Variants in RAD54B observed in about 807,000 individuals in gnomAD.
The protein encoded by RAD54B is RAD54 homolog B.
Under a neutral mutation model 95.8 loss-of-function variants are expected in RAD54B, and 78 were observed. That is an observed-to-expected ratio of 0.81 (90% CI 0.68 to 0.98). RAD54B has a LOEUF of 0.98. RAD54B is among the 50% of genes least tolerant of loss of function. RAD54B has a pLI of 0.00. For missense variants in RAD54B, 957 were observed against 1,056.6 expected, an observed-to-expected ratio of 0.91 and a Z score of 1.31; for synonymous variants, 328 against 354.9, an observed-to-expected ratio of 0.92 and a Z score of 0.85.
At chr8:94,473,723 AG>A (rs1813225054) in intron 1 of RAD54B, among the ~76,000 whole-genome samples, 1 of 152,190 alleles carries the variant, frequency 6.6e-6, no homozygotes, top group Non-Finnish European at 1.5e-5. Context: ...CGAGGATGCA[AG>A]AATGTAAGTA....
At position 94,380,241 on chromosome 8, in the gene RAD54B, C is replaced by CA. The variant is rs772731133; in HGVS notation, c.2150dup (p.Leu717PhefsTer12). 1 of 1,613,138 alleles carries CA rather than the reference C, an allele frequency of 6.2e-7. No individual in the cohort carries two copies. Among genetic ancestry groups the CA allele is most frequent in the South Asian group, 1.1e-5 (1 of 91,060 alleles). ...CTACACCACCAGCTTTTGAACTTAA[C>CA]AAAAAAATAAAAAAAGAAGAGTGTT... On this transcript the variant is annotated frameshift_variant, in exon 12 of 15. Transcript: ENST00000336148. LOFTEE classifies it high-confidence loss of function.
At chr8:94,474,499 T>C (rs1813247285) in intron 1 of RAD54B, among the ~76,000 whole-genome samples, 1 of 152,246 alleles carries the variant, frequency 6.6e-6, no homozygotes, top group Non-Finnish European at 1.5e-5. Flanking sequence ...CATCTGTTCC[T>C]ACCTAGAAAA....
chr8:94,449,128 T>C (rs1171171907), intron 3 of RAD54B, among the ~76,000 whole-genome samples: 1 of 151,694 alleles, frequency 6.6e-6, no homozygotes, highest in East Asian at 1.9e-4. Context: ...CACAATAAAA[T>C]TTATTTTTAA....
intron 1 of RAD54B, among the ~76,000 whole-genome samples, chr8:94,468,274 G>A (rs927010478): frequency 6.6e-6 from 1 of 152,102 alleles, no homozygotes; most frequent in Admixed American, 6.6e-5. Flanking sequence ...TTAACCATTA[G>A]CTACCCATTT....
At chr8:94,474,142 C>T (rs983949210) in intron 1 of RAD54B, among the ~76,000 whole-genome samples, 2 of 152,150 alleles carry the variant, frequency 1.3e-5, no homozygotes, top group Non-Finnish European at 2.9e-5. Flanking sequence ...CATGTTCTCA[C>T]TTATAAATGG....
chr8:94,473,590 G>A (rs1041560930), intron 1 of RAD54B, among the ~76,000 whole-genome samples: 5 of 152,208 alleles, frequency 3.3e-5, no homozygotes, highest in Admixed American at 2.6e-4. Flanking sequence ...TATTATCGGA[G>A]AGTAGAAATG....
intron 10 of RAD54B, among the ~76,000 whole-genome samples, chr8:94,388,608 C>T (rs1190654630): frequency 1.3e-5 from 2 of 152,056 alleles, no homozygotes; most frequent in East Asian, 1.9e-4. Context: ...GTGTTGCACC[C>T]CCTCTTTAGT....
intron 3 of RAD54B, among the ~76,000 whole-genome samples, chr8:94,441,107 CCT>C (rs60480899): frequency 0.12 from 18,344 of 152,128 alleles, 1,989 homozygotes; most frequent in East Asian, 0.32. Flanking sequence ...GCATGCAGCC[CCT>C]GTCACGTACT....
At chr8:94,450,888 G>A (rs966869945) in intron 3 of RAD54B, among the ~76,000 whole-genome samples, 3 of 151,764 alleles carry the variant, frequency 2.0e-5, no homozygotes, top group Admixed American at 2.0e-4. Flanking sequence ...GAAATTAATA[G>A]GTAAATATAT....
chr8:94,448,342 G>A (rs1812570243), intron 3 of RAD54B, among the ~76,000 whole-genome samples: 1 of 152,040 alleles, frequency 6.6e-6, no homozygotes, highest in South Asian at 2.1e-4. Flanking sequence ...TGTTGGCAAG[G>A]GTGTGGAGAA....
At chr8:94,432,202 C>T (rs1184040288) in intron 3 of RAD54B, 1 of 1,550,178 alleles carries the variant, frequency 6.5e-7, no homozygotes, top group Admixed American at 2.0e-5. Flanking sequence ...TCAATTTTTG[C>T]TCTTAGTAGC....
rs749899840 is a variant in RAD54B, at chr8:94,393,811, A to G, written c.1450T>C (p.Ser484Pro). The G allele has an allele frequency of 1.3e-6, 2 of 1,585,252 alleles. No individual in the cohort carries two copies. The highest frequency in any genetic ancestry group is 2.2e-5 in the South Asian group (2 of 89,882). ...TATATTTTCCTATAAGATGACAAAG[A>G]GCCTAATATTCCTGGATTTACAAAA... ...IDFVNPGILG[S>P]LSSYRKIYEE... The change falls in exon 9 of 15, where the codon TCT becomes CCT. Residue 484 changes from serine to proline, a missense_variant. Transcript: ENST00000336148.
chr8:94,388,091 C>G (rs938701229), intron 10 of RAD54B, among the ~76,000 whole-genome samples: 1 of 152,182 alleles, frequency 6.6e-6, no homozygotes, highest in East Asian at 1.9e-4. Flanking sequence ...TTACACAGTA[C>G]ATTTCAGGTT....
At chr8:94,398,725 C>G (rs780298643) in intron 8 of RAD54B, among the ~76,000 whole-genome samples, 1 of 151,874 alleles carries the variant, frequency 6.6e-6, no homozygotes, top group Admixed American at 6.6e-5. Context: ...CATACAAGAC[C>G]AAGATGAGAT....
chr8:94,464,584 C>A (rs1047561244), intron 2 of RAD54B, among the ~76,000 whole-genome samples: 8 of 152,092 alleles, frequency 5.3e-5, no homozygotes, highest in Non-Finnish European at 7.4e-5. Flanking sequence ...TAAAAAGTTT[C>A]TTTTTGGTGT....
intron 1 of RAD54B, among the ~76,000 whole-genome samples, chr8:94,470,654 A>T (rs1285535700): frequency 6.6e-6 from 1 of 152,036 alleles, no homozygotes; most frequent in Non-Finnish European, 1.5e-5. Flanking sequence ...GCTACTCAGG[A>T]GGCTGAGGCA....
rs895527991 is a variant in RAD54B, at chr8:94,467,702, A to T, written c.-16-147T>A. On this transcript the variant is annotated intron_variant, in intron 1 of 14. Transcript: ENST00000336148. Reference sequence around the variant, plus strand: ...CCCCCAAGCATAGAAACAAAAGGAAAATCTTCAGTTCCTTCAAAGGAAATT... The same window carrying T: ...CCCCCAAGCATAGAAACAAAAGGAATATCTTCAGTTCCTTCAAAGGAAATT... 20 of 755,122 alleles carry T rather than the reference A, an allele frequency of 2.6e-5. No homozygotes were observed. The Admixed American group carries it at 5.2e-4, about 20-fold the overall frequency. The allele number at this position is 755,122 out of a possible 1,614,324, so 46.8% of individuals were successfully genotyped here.
chr8:94,427,799 T>C, intron 3 of RAD54B: 1 of 957,160 alleles, frequency 1.0e-6, no homozygotes, highest in Non-Finnish European at 1.2e-6. Context: ...TTAAACACAA[T>C]TTATTACACT....
intron 5 of RAD54B, among the ~76,000 whole-genome samples, chr8:94,407,107 CTAA>C (rs539285760): frequency 2.6e-5 from 4 of 152,224 alleles, no homozygotes; most frequent in African/African-American, 9.6e-5. Context: ...AATACATTTA[CTAA>C]TTTCTCTCCT....
Sources: allele counts gnomAD v4.1 joint callset (sites outside exome capture counted in the v4.1 genomes callset), GRCh38; gene constraint gnomAD v4.1.1; transcripts MANE v1.5; gene names NCBI Gene and HGNC (gene_info 2026-07-23, HGNC 2026-07-21).